Variants in NFATC1 observed in about 807,000 individuals in gnomAD.
NFATC1 encodes the protein nuclear factor of activated T-cells, cytoplasmic 1.
NFATC1 carries 22 observed loss-of-function variants against 76.0 expected under a neutral mutation model. That is an observed-to-expected ratio of 0.29 (90% CI 0.21 to 0.41). The LOEUF (loss-of-function observed/expected upper bound fraction) is 0.41. Ranked by LOEUF, NFATC1 falls within the 10% of genes least tolerant of loss-of-function variation. The pLI is 1.00. For missense variants in NFATC1, 1,357 were observed against 1,337.7 expected (o/e 1.01, Z -0.23); for synonymous variants, 704 against 613.1 (o/e 1.15, Z -2.19).
intron 1 of NFATC1, among the ~76,000 whole-genome samples, chr18:79,403,233 G>A (rs1053051539): frequency 6.6e-6 from 1 of 152,262 alleles, no homozygotes; most frequent in Non-Finnish European, 1.5e-5. Context: ...GCGTCTTCAC[G>A]GGGTGCTTTG....
intron 9 of NFATC1, among the ~76,000 whole-genome samples, chr18:79,489,095 G>A (rs1419584404): frequency 2.6e-5 from 4 of 152,228 alleles, no homozygotes; most frequent in Non-Finnish European, 5.9e-5. Context: ...AGCCTCACCA[G>A]GTGGCCCGGG....
At chr18:79,401,299 G>A (rs1011553959) in intron 1 of NFATC1, among the ~76,000 whole-genome samples, 1 of 152,002 alleles carries the variant, frequency 6.6e-6, no homozygotes, top group Non-Finnish European at 1.5e-5. Flanking sequence ...TGGCAAGCAG[G>A]GACCTCCGCC....
intron 1 of NFATC1, chr18:79,402,248 C>T (rs547511992): frequency 2.6e-6 from 2 of 783,644 alleles, no homozygotes; most frequent in Non-Finnish European, 3.1e-6. Context: ...CCCCTCGAGG[C>T]CTAGTCTCAC....
intron 1 of NFATC1, among the ~76,000 whole-genome samples, chr18:79,399,656 G>C (rs552430918): frequency 2.0e-5 from 3 of 152,218 alleles, no homozygotes; most frequent in Non-Finnish European, 4.4e-5. Flanking sequence ...ATCTTTGGAG[G>C]TGCCCCTAGA....
chr18:79,523,117 A>T (rs911713908), intron 9 of NFATC1, among the ~76,000 whole-genome samples: 4 of 152,238 alleles, frequency 2.6e-5, no homozygotes, highest in Non-Finnish European at 5.9e-5. Context: ...GGCTGTTGCA[A>T]GGAGCAAGCA....
At chr18:79,482,619 G>A (rs1264910898) in intron 8 of NFATC1, among the ~76,000 whole-genome samples, 4 of 146,258 alleles carry the variant, frequency 2.7e-5, no homozygotes, top group Admixed American at 1.4e-4. Context: ...CTGGTTCCTG[G>A]GGTGTAATTC....
At chr18:79,510,161 GC>G (rs1211130465) in intron 9 of NFATC1, among the ~76,000 whole-genome samples, 1 of 152,240 alleles carries the variant, frequency 6.6e-6, no homozygotes, top group Admixed American at 6.5e-5. Context: ...AGACAGGACA[GC>G]GAGCAGGTTC....
At chr18:79,457,103 C>T (rs561748244) in intron 6 of NFATC1, among the ~76,000 whole-genome samples, 2 of 152,378 alleles carry the variant, frequency 1.3e-5, no homozygotes, top group African/African-American at 4.8e-5. Context: ...TCGCCGTGTG[C>T]TCCGAGAGAG....
intron 9 of NFATC1, among the ~76,000 whole-genome samples, chr18:79,520,957 C>CTA (rs2090532318): frequency 1.5e-5 from 1 of 65,438 alleles, no homozygotes; most frequent in Non-Finnish European, 2.8e-5. Context: ...ATGTGTGTGT[C>CTA]TGTGTGTGGG....
chr18:79,521,502 G>A (rs1601004792), intron 9 of NFATC1, among the ~76,000 whole-genome samples: 1 of 70,244 alleles, frequency 1.4e-5, no homozygotes, highest in South Asian at 6.2e-4. Context: ...ACTGATGTGT[G>A]TGTCTGTGTG....
chr18:79,467,619 A>C, intron 8 of NFATC1, 37 bp downstream of exon 8: 9 of 1,611,328 alleles, frequency 5.6e-6, no homozygotes, highest in Non-Finnish European at 7.6e-6. Flanking sequence ...CGTGAACATG[A>C]GCGCGTGGGG....
chr18:79,439,341 C>T (rs755070837), intron 3 of NFATC1, among the ~76,000 whole-genome samples: 2 of 152,196 alleles, frequency 1.3e-5, no homozygotes, highest in Non-Finnish European at 2.9e-5. Flanking sequence ...GCAGCCGCTC[C>T]GGCCCCGCCC....
At chr18:79,454,695 G>A (rs61658505) in intron 6 of NFATC1, among the ~76,000 whole-genome samples, 35,965 of 152,144 alleles carry the variant, frequency 0.24, 5,296 homozygotes, top group African/African-American at 0.4. Context: ...CTCGGAAAAC[G>A]ACATTTTCCG....
At chr18:79,452,827 T>G (rs1483095728) in intron 6 of NFATC1, among the ~76,000 whole-genome samples, 1 of 152,230 alleles carries the variant, frequency 6.6e-6, no homozygotes, top group Non-Finnish European at 1.5e-5. Flanking sequence ...CCACAAGGCC[T>G]GTTTTGTGAT....
chr18:79,526,014 C>T (rs1029960275), intron 9 of NFATC1, among the ~76,000 whole-genome samples: 4 of 152,260 alleles, frequency 2.6e-5, no homozygotes, highest in South Asian at 4.1e-4. Context: ...GGCGGGAGGC[C>T]GCTGAGCAAC....
At chr18:79,474,171 C>T in intron 8 of NFATC1, among the ~76,000 whole-genome samples, 1 of 129,526 alleles carries the variant, frequency 7.7e-6, no homozygotes, top group African/African-American at 3.3e-5. Flanking sequence ...TGTTCTCACG[C>T]TCGCTGTCGA....
At position 79,486,693 on chromosome 18, in the gene NFATC1, C is replaced by T; in HGVS notation, c.2538C>T (p.Ser846=). The change falls in exon 9 of 10, where the codon AGC becomes AGT. Residue 846 remains serine, a synonymous_variant. Coordinates refer to ENST00000427363, the MANE Select transcript of NFATC1 (RefSeq NM_001278669.2). The part of the protein sequence containing the change: ...PGLEHSLCPS[S]PSPPLPPATQ... ...TCGAACACTCGCTCTGCCCCAGCAG[C>T]CCCTCTCCTCCACTCCCGCCTGCCA... 5 of 1,599,868 alleles carry T rather than the reference C, an allele frequency of 3.1e-6. No homozygotes were observed. In the South Asian group the frequency reaches 3.3e-5, roughly 11 times the overall value.
At chr18:79,487,010 CGTGCTGCGTGTGT>C in intron 9 of NFATC1, 73 bp downstream of exon 9, 1 of 1,463,810 alleles carries the variant, frequency 6.8e-7, no homozygotes, top group East Asian at 2.3e-5. Flanking sequence ...GGGCCGTGTG[CGTGCTGCGTGTGT>C]GGCACGTGTG....
intron 1 of NFATC1, among the ~76,000 whole-genome samples, chr18:79,404,073 A>C (rs1256791066): frequency 6.6e-6 from 1 of 152,214 alleles, no homozygotes; most frequent in African/African-American, 2.4e-5. Context: ...TCAAAGGAAG[A>C]TCTCAGCTAG....
Sources: allele counts gnomAD v4.1 joint callset (sites outside exome capture counted in the v4.1 genomes callset), GRCh38; gene constraint gnomAD v4.1.1; transcripts MANE v1.5; gene names NCBI Gene and HGNC (gene_info 2026-07-23, HGNC 2026-07-21).